GLIS3: variants seen among roughly 807,000 people sequenced by gnomAD.
The protein encoded by GLIS3 is zinc finger protein GLIS3.
Under a neutral mutation model 78.6 loss-of-function variants are expected in GLIS3, and 53 were observed. That is an observed-to-expected ratio of 0.67 (90% CI 0.54 to 0.85). The LOEUF is 0.85. Among genes scored for constraint, GLIS3 ranks in the 40% least tolerant of loss-of-function variants. The pLI, the probability that GLIS3 is intolerant of heterozygous loss-of-function variation, is 0.00. For missense variants in GLIS3, 1,703 were observed against 1,231.1 expected (o/e 1.38, Z -5.74); for synonymous variants, 684 against 509.9 (o/e 1.34, Z -4.60).
intron 2 of GLIS3, among the ~76,000 whole-genome samples, chr9:4,283,126 T>G (rs914518229): frequency 1.3e-5 from 2 of 151,270 alleles, no homozygotes; most frequent in Non-Finnish European, 2.9e-5. Context: ...CACACAGGAA[T>G]GCACTTTGCA....
chr9:3,884,912 T>C (rs1437969884), intron 7 of GLIS3, among the ~76,000 whole-genome samples: 1 of 152,044 alleles, frequency 6.6e-6, no homozygotes, highest in Non-Finnish European at 1.5e-5. Flanking sequence ...CCCTGAACAC[T>C]CTGTTTGCAA....
At chr9:4,144,072 G>A (rs752137868) in intron 2 of GLIS3, among the ~76,000 whole-genome samples, 12 of 152,240 alleles carry the variant, frequency 7.9e-5, no homozygotes, top group Middle Eastern at 3.4e-3. Context: ...AGGGTGGGAC[G>A]ACAGGGCAAG....
At chr9:4,377,303 C>G in the GLIS3 span, among the ~76,000 whole-genome samples, 2 of 135,364 alleles carry the variant, frequency 1.5e-5, 1 homozygote, top group South Asian at 5.7e-4. Flanking sequence ...TGCTGAGTCT[C>G]CTGGCTTTCA....
At chr9:4,094,059 C>T (rs886976917) in intron 4 of GLIS3, among the ~76,000 whole-genome samples, 4 of 152,130 alleles carry the variant, frequency 2.6e-5, no homozygotes, top group Non-Finnish European at 4.4e-5. Flanking sequence ...TCTTCCAGAT[C>T]ATCTGTTCCG....
At chr9:4,439,359 G>A in the GLIS3 span, among the ~76,000 whole-genome samples, 29 of 152,198 alleles carry the variant, frequency 1.9e-4, no homozygotes, top group Admixed American at 5.9e-4. Context: ...ATTTTAGAAC[G>A]TTTTCCTCAT....
At position 3,976,349 on chromosome 9, in the gene GLIS3, A is replaced by G. The variant is rs536862217; in HGVS notation, c.1711-39160T>C. 2.0e-5 allele frequency among the ~76,000 whole-genome samples: 3 copies of G among 152,292 alleles called. No homozygotes were observed. The East Asian group carries it at 5.8e-4, about 29-fold the overall frequency. The stretch of plus-strand genomic sequence containing the variant: ...ACTTGTCCAAGAGGACAGAGCTTCC[A>G]AAATCTGTGTTACTGCTCATGACAT... On this transcript the variant is annotated intron_variant, in intron 4 of 10. Transcript: ENST00000381971.
chr9:4,030,762 G>C (rs180822983), intron 4 of GLIS3, among the ~76,000 whole-genome samples: 9 of 152,164 alleles, frequency 5.9e-5, no homozygotes, highest in African/African-American at 2.2e-4. Flanking sequence ...AACTCGCTGA[G>C]AGGTCAACAA....
At chr9:3,965,618 C>T (rs1481222906) in intron 4 of GLIS3, among the ~76,000 whole-genome samples, 3 of 152,186 alleles carry the variant, frequency 2.0e-5, no homozygotes, top group East Asian at 1.9e-4. Flanking sequence ...AACCTTCTAA[C>T]CTCCTGACGA....
chr9:4,385,276 A>G, the GLIS3 span, among the ~76,000 whole-genome samples: 1 of 152,160 alleles, frequency 6.6e-6, no homozygotes, highest in Admixed American at 6.6e-5. Context: ...AACCCCAAAG[A>G]TAGAAGTTGA....
rs763014102 is a variant in GLIS3, at chr9:4,118,329, G to C, written c.1149C>G (p.Ala383=). The C allele has an allele frequency of 4.2e-5, 66 of 1,575,086 alleles. 1 individual carries two copies. In the African/African-American group the frequency reaches 8.1e-4, roughly 19 times the overall value. The change falls in exon 4 of 11, where the codon GCC becomes GCG. Residue 383 remains alanine, a synonymous_variant. Transcript: ENST00000381971. The surrounding 1 kb of genome is among the most constrained non-coding windows in gnomAD (Gnocchi z 4.7). ...LVAPGGLALP[A]YGEDGALEHE... ...GCTCCAGGGCCCCGTCCTCGCCGTA[G>C]GCCGGCAGCGCCAGGCCTCCAGGGG...
intron 8 of GLIS3, among the ~76,000 whole-genome samples, chr9:3,867,229 TTTGTTG>T (rs969081494): frequency 1.3e-5 from 2 of 152,202 alleles, no homozygotes; most frequent in African/African-American, 2.4e-5. Context: ...GCAATGTTGT[TTTGTTG>T]TTGTTGTTGC....
intron 4 of GLIS3, among the ~76,000 whole-genome samples, chr9:4,015,313 C>T (rs1302039445): frequency 1.3e-5 from 2 of 152,164 alleles, no homozygotes; most frequent in Non-Finnish European, 2.9e-5. Flanking sequence ...CTTCTTTCTT[C>T]TACACTGCCT....
intron 7 of GLIS3, among the ~76,000 whole-genome samples, chr9:3,891,917 T>C (rs1454158594): frequency 6.6e-6 from 1 of 152,168 alleles, no homozygotes; most frequent in African/African-American, 2.4e-5. Context: ...AGCAAATTCC[T>C]ATGCACGTTG....
chr9:4,133,501 T>G (rs997033211), intron 2 of GLIS3, among the ~76,000 whole-genome samples: 2 of 152,118 alleles, frequency 1.3e-5, no homozygotes, highest in Non-Finnish European at 2.9e-5. Flanking sequence ...AGGTTAACAG[T>G]ACATAACACA....
intron 2 of GLIS3, among the ~76,000 whole-genome samples, chr9:4,131,791 A>C (rs1228905395): frequency 6.6e-6 from 1 of 152,114 alleles, no homozygotes; most frequent in African/African-American, 2.4e-5. Flanking sequence ...GTTGTTGTGC[A>C]TCTAGTATTA....
intron 8 of GLIS3, among the ~76,000 whole-genome samples, chr9:3,868,284 T>C (rs937879543): frequency 6.6e-6 from 1 of 152,326 alleles, no homozygotes; most frequent in Non-Finnish European, 1.5e-5. Context: ...TTCTCAGATA[T>C]AATGGAGACA....
the GLIS3 span, among the ~76,000 whole-genome samples, chr9:4,396,758 C>T: frequency 3.9e-5 from 6 of 152,144 alleles, no homozygotes; most frequent in Admixed American, 1.3e-4. Flanking sequence ...CCAGGACATA[C>T]CTCGTTAGTC....
chr9:3,948,280 T>C (rs1342007019), intron 4 of GLIS3, among the ~76,000 whole-genome samples: 1 of 152,248 alleles, frequency 6.6e-6, no homozygotes, highest in Non-Finnish European at 1.5e-5. Flanking sequence ...CTTGTGCTGA[T>C]TTTAAACTAC....
In GLIS3 at chr9:4,070,907, C is replaced by G. The variant is rs571244633; in HGVS notation, c.1710+46861G>C. 63 of 152,154 alleles carry G rather than the reference C, an allele frequency of 4.1e-4. 1 individual carries two copies. The highest frequency in any genetic ancestry group is 1.4e-3 in the African/African-American group (60 of 41,516). The allele number at this position is 152,154 out of a possible 1,614,324, so 9.4% of individuals were successfully genotyped here. On this transcript the variant is annotated intron_variant, in intron 4 of 10. Coordinates refer to ENST00000381971, the MANE Select transcript of GLIS3 (RefSeq NM_001042413.2). ...CAACACAGTAGCAAAATTAAAGCAC[C>G]CTGCTTTATGTACCTGTATGTTAGC...
Sources: gnomAD v4.1 joint callset for allele counts (sites outside exome capture counted in the v4.1 genomes callset) on GRCh38, gnomAD v4.1.1 for gene constraint, Gnocchi (gnomAD v3.1) non-coding constraint, MANE v1.5 for transcripts, NCBI Gene and HGNC (gene_info 2026-07-23, HGNC 2026-07-21) for gene names.